Variants in PCDH17 observed in about 807,000 individuals in gnomAD.
PCDH17 encodes the protein protocadherin-17.
PCDH17 carries 21 observed loss-of-function variants against 67.7 expected under a neutral mutation model. The observed-to-expected ratio is 0.31, with a 90% CI of 0.22 to 0.45. The LOEUF (loss-of-function observed/expected upper bound fraction) is 0.45, where lower values mean the gene tolerates loss of function less well. Among genes scored for constraint, PCDH17 ranks in the 20% least tolerant of loss-of-function variants. PCDH17 has a pLI of 1.00. For synonymous variants in PCDH17, 701 were observed against 656.7 expected (o/e 1.07, Z -1.03); for missense variants, 1,471 against 1,564.8 (o/e 0.94, Z 1.01).
chr13:57,633,311 C>T lies in PCDH17; in HGVS notation c.765C>T (p.Asn255=). 6.2e-7 allele frequency: 1 copy of T among 1,613,300 alleles called. No homozygotes were observed. Among genetic ancestry groups the T allele is most frequent in the East Asian group, 2.2e-5 (1 of 44,842 alleles). The part of the protein sequence containing the change: ...APSYLVELPE[N]APLGTVVIDL... ...CCTACTTGGTGGAACTGCCCGAGAA[C>T]GCTCCGCTGGGTACAGTGGTCATCG... The change falls in exon 1 of 4, where the codon AAC becomes AAT. Residue 255 remains asparagine (N), a synonymous_variant. Transcript: ENST00000377918. The surrounding 1 kb of genome is among the most constrained non-coding windows in gnomAD (Gnocchi z 6.2).
intron 3 of PCDH17, among the ~76,000 whole-genome samples, chr13:57,705,996 C>T (rs1030681391): frequency 5.5e-5 from 8 of 144,250 alleles, no homozygotes; most frequent in African/African-American, 2.1e-4. Flanking sequence ...GCCTGAGCAA[C>T]AGGAGAAAAA....
At chr13:57,689,328 G>A (rs4427683) in intron 3 of PCDH17, among the ~76,000 whole-genome samples, 24,533 of 151,856 alleles carry the variant, frequency 0.16, 2,042 homozygotes, top group East Asian at 0.22. Flanking sequence ...TACTTGTCTG[G>A]CATATTGAAT....
intron 3 of PCDH17, among the ~76,000 whole-genome samples, chr13:57,705,443 A>G (rs1245655022): frequency 6.6e-6 from 1 of 152,114 alleles, no homozygotes; most frequent in Non-Finnish European, 1.5e-5. Context: ...TATCTGACTA[A>G]GAACATGCAT....
In PCDH17 at chr13:57,634,135, C is replaced by T. The variant is rs1180162744; in HGVS notation, c.1589C>T (p.Thr530Met). 1.9e-6 allele frequency: 3 copies of T among 1,613,562 alleles called. No homozygotes were observed. Among genetic ancestry groups the T allele is most frequent in the South Asian group, 1.1e-5 (1 of 91,090 alleles). The change falls in exon 1 of 4, where the codon ACG becomes ATG. Residue 530 changes from threonine (T) to methionine (M), a missense_variant. Transcript: ENST00000377918. This position sits in a 1 kb window ranked among gnomAD's most constrained non-coding sequence, Gnocchi z 7.8. ...SIYTYVSVNPTNGAIYALRSF... is the reference protein window; with the variant it reads ...SIYTYVSVNPMNGAIYALRSF... ...TACACCTATGTGTCTGTGAATCCCA[C>T]GAACGGGGCCATCTACGCCCTGCGC...
At chr13:57,639,291 C>T (rs1954862231) in intron 1 of PCDH17, among the ~76,000 whole-genome samples, 1 of 151,730 alleles carries the variant, frequency 6.6e-6, no homozygotes, top group African/African-American at 2.4e-5. Flanking sequence ...AGTAAATAAA[C>T]TTAATTTAAA....
At chr13:57,711,858 A>G (rs1955779820) in intron 3 of PCDH17, among the ~76,000 whole-genome samples, 1 of 151,466 alleles carries the variant, frequency 6.6e-6, no homozygotes, top group African/African-American at 2.4e-5. Context: ...GGTAATAAAT[A>G]CATCAATGAG....
At chr13:57,658,380 A>G (rs949568340) in intron 1 of PCDH17, among the ~76,000 whole-genome samples, 1 of 152,222 alleles carries the variant, frequency 6.6e-6, no homozygotes, top group Non-Finnish European at 1.5e-5. Context: ...GTTAAGGCAC[A>G]AGATTTAAGG....
At chr13:57,687,487 G>A (rs564265868) in intron 3 of PCDH17, among the ~76,000 whole-genome samples, 4 of 151,650 alleles carry the variant, frequency 2.6e-5, no homozygotes, top group African/African-American at 9.7e-5. Context: ...ATTTACATTT[G>A]CATTATATAT....
chr13:57,718,478 A>C (rs986432033), intron 3 of PCDH17, among the ~76,000 whole-genome samples: 1 of 152,110 alleles, frequency 6.6e-6, no homozygotes, highest in African/African-American at 2.4e-5. Flanking sequence ...CATAGAAGTC[A>C]TAAGTGGAAA....
intron 1 of PCDH17, 58 bp downstream of exon 1, chr13:57,635,169 TG>T: frequency 1.3e-6 from 2 of 1,572,558 alleles, no homozygotes; most frequent in Non-Finnish European, 8.6e-7. Flanking sequence ...GGAGCTGTCC[TG>T]AAACCTTTGG....
rs1955929777 is a variant in PCDH17, at chr13:57,728,378, C to A, written c.*3084C>A. The A allele has an allele frequency of 6.6e-6, 1 of 151,668 alleles. No homozygotes were observed. 9.4% of individuals were successfully genotyped at this position (151,668 alleles called of 1,614,324 possible). On this transcript the variant is annotated 3_prime_UTR_variant, in exon 4 of 4. Coordinates refer to ENST00000377918, the MANE Select transcript of PCDH17 (RefSeq NM_001040429.3). ...CAAGTACTAACCCCTCAAAAAAGCC[C>A]ACACATACAAAATATGTGATGTGAT...
At chr13:57,641,572 AAAAAAAAAAAAAAAAATAT>A (rs1369792626) in intron 1 of PCDH17, among the ~76,000 whole-genome samples, 8 of 44,334 alleles carry the variant, frequency 1.8e-4, no homozygotes, top group African/African-American at 5.3e-4. Flanking sequence ...AAAAAAAAAA[AAAAAAAAAAAAAAAAATAT>A]ATATATATAT....
intron 1 of PCDH17, among the ~76,000 whole-genome samples, chr13:57,657,434 TA>T (rs1020383885): frequency 1.1e-4 from 17 of 152,218 alleles, no homozygotes; most frequent in African/African-American, 3.1e-4. Context: ...TCATACACTT[TA>T]AAAATTCCAC....
intron 3 of PCDH17, among the ~76,000 whole-genome samples, chr13:57,667,071 A>T (rs1259986197): frequency 6.6e-6 from 1 of 152,154 alleles, no homozygotes; most frequent in African/African-American, 2.4e-5. Flanking sequence ...GACCAAAGTC[A>T]CTTGATTGTT....
chr13:57,650,470 G>A (rs1173586407), intron 1 of PCDH17, among the ~76,000 whole-genome samples: 1 of 151,858 alleles, frequency 6.6e-6, no homozygotes, highest in Admixed American at 6.6e-5. Flanking sequence ...TTTTTAGCAA[G>A]TCAATAGTTT....
intron 3 of PCDH17, among the ~76,000 whole-genome samples, chr13:57,722,741 G>C (rs74333081): frequency 6.6e-6 from 1 of 151,932 alleles, no homozygotes; most frequent in Non-Finnish European, 1.5e-5. Flanking sequence ...TCAGCCTGCC[G>C]CGTAGCTGCA....
At position 57,634,596 on chromosome 13, in the gene PCDH17, G is replaced by A; in HGVS notation, c.2050G>A (p.Val684Met). Residue 684 changes from valine (V) to methionine (M), a missense_variant, in exon 1 of 4, where the codon GTG becomes ATG. Physicochemically the swap from Val to Met is conservative, Grantham distance 21 (BLOSUM62 1). This residue lies in a region of PCDH17 where 1,163 missense variants were observed against 1,230.0 expected (regional missense o/e 0.95). Transcript: ENST00000377918. The surrounding 1 kb of genome is among the most constrained non-coding windows in gnomAD (Gnocchi z 7.8). ...AGTGGCCAAGCTCATCATCCGCTCG[G>A]TGAGCGGATCCCTTCCCGAGGGGGT... ...SAVAKLIIRS[V>M]SGSLPEGVPR... The A allele has an allele frequency of 1.2e-6, 2 of 1,613,370 alleles. No individual in the cohort carries two copies. Among genetic ancestry groups the A allele is most frequent in the Non-Finnish European group, 8.5e-7 (1 of 1,179,994 alleles).
intron 1 of PCDH17, among the ~76,000 whole-genome samples, chr13:57,636,620 A>G (rs138061681): frequency 3.3e-5 from 5 of 152,282 alleles, no homozygotes; most frequent in African/African-American, 9.6e-5. Flanking sequence ...TAAGGTCTAT[A>G]TAAAACTGAA....
chr13:57,707,753 C>G (rs1566243407), intron 3 of PCDH17, among the ~76,000 whole-genome samples: 2 of 151,880 alleles, frequency 1.3e-5, no homozygotes, highest in East Asian at 1.9e-4. Flanking sequence ...AGGAGAGGAC[C>G]CTTCCTTGAC....
Sources: gnomAD v4.1 joint callset for allele counts (sites outside exome capture counted in the v4.1 genomes callset) on GRCh38, gnomAD v4.1.1 for gene constraint, gnomAD v4.1.1 regional missense constraint, Gnocchi (gnomAD v3.1) non-coding constraint, MANE v1.5 for transcripts, NCBI Gene and HGNC (gene_info 2026-07-23, HGNC 2026-07-21) for gene names.